ZNF626: variants seen among roughly 807,000 people sequenced by gnomAD.
ZNF626 encodes the protein CTC-513N18.7.
ZNF626 carries 4 observed loss-of-function variants against 11.7 expected under a neutral mutation model. The observed-to-expected ratio is 0.34, with a 90% CI of 0.17 to 0.78. ZNF626 has a LOEUF of 0.78. Ranked by LOEUF, ZNF626 falls within the 30% of genes least tolerant of loss-of-function variation. The pLI is 0.57. For missense variants in ZNF626, 588 were observed against 587.1 expected (o/e 1.00, Z -0.01); for synonymous variants, 179 against 198.6 (o/e 0.90, Z 0.83).
intron 3 of ZNF626, among the ~76,000 whole-genome samples, chr19:20,636,228 T>C (rs1385083587): frequency 1.3e-5 from 2 of 152,198 alleles, no homozygotes; most frequent in Non-Finnish European, 2.9e-5. Flanking sequence ...ATAATATTTA[T>C]ACAGGCAAAG....
intron 3 of ZNF626, 146 bp downstream of exon 3, chr19:20,645,538 C>CAAAA (rs1555771818): frequency 6.4e-7 from 1 of 1,551,828 alleles, no homozygotes; most frequent in East Asian, 2.3e-5. Flanking sequence ...AAAAACCAAA[C>CAAAA]AAACAAACAA....
rs782211530 is a variant in ZNF626 at position 20,624,774 on chromosome 19, G to C, written c.1103C>G (p.Pro368Arg). Reference protein sequence around the residue: ...THKRIHTGEKPYKCEECGKAF... With the variant: ...THKRIHTGEKRYKCEECGKAF... ...TTTGCCACATTCTTCACATTTGTAG[G>C]GTTTCTCTCCAGTATGAATTCTCTT... Residue 368 changes from proline to arginine, a missense_variant, in exon 4 of 4, where the codon CCC becomes CGC. Physicochemically the swap from Pro to Arg is moderately radical, Grantham distance 103. This residue lies in a region of ZNF626 where 524 missense variants were observed against 470.1 expected (regional missense o/e 1.11). Transcript: ENST00000601440. The C allele has an allele frequency of 6.2e-7, 1 of 1,611,990 alleles. No homozygotes were observed. Among genetic ancestry groups the C allele is most frequent in the South Asian group, 1.1e-5 (1 of 90,922 alleles).
rs1970068515 is a variant in ZNF626 at position 20,645,671 on chromosome 19, C to CACGG, written c.226+12_226+13insCCGT. 6.2e-7 allele frequency: 1 copy of CACGG among 1,604,898 alleles called. No homozygotes were observed. The highest frequency in any genetic ancestry group is 1.3e-5 in the African/African-American group (1 of 74,174). On this transcript the variant is annotated intron_variant, in intron 3 of 3. Transcript: ENST00000601440. ...CTGTGTCATCTGTTGTATTCATTTT[C>CACGG]ACTCACACCTACCTGAGGGTTTGGC...
chr19:20,625,529 T>C lies in ZNF626; in HGVS notation c.348A>G (p.Gly116=), dbSNP rs1555769528. The change falls in exon 4 of 4, where the codon GGA becomes GGG. Residue 116 remains glycine, a synonymous_variant. Coordinates refer to ENST00000601440, the MANE Select transcript of ZNF626 (RefSeq NM_001076675.3). ...CCTTACACTCATCCACACTTATACATCCTTTTTTTAACTGTAAATTGTCAT... is the reference window on the plus strand; with the variant it reads ...CCTTACACTCATCCACACTTATACACCCTTTTTTTAACTGTAAATTGTCAT... ...CEHDNLQLKK[G]CISVDECKVH... 1 of 1,613,578 alleles carries C rather than the reference T, an allele frequency of 6.2e-7. No homozygotes were observed. Among genetic ancestry groups the C allele is most frequent in the African/African-American group, 1.3e-5 (1 of 75,020 alleles).
intron 3 of ZNF626, among the ~76,000 whole-genome samples, chr19:20,634,463 G>A (rs375313940): frequency 2.6e-5 from 4 of 152,132 alleles, no homozygotes; most frequent in African/African-American, 9.6e-5. Context: ...CACTTTCTAT[G>A]ACAAAAATGG....
At chr19:20,636,437 A>G (rs10405703) in intron 3 of ZNF626, among the ~76,000 whole-genome samples, 68,069 of 151,630 alleles carry the variant, frequency 0.45, 16,537 homozygotes, top group African/African-American at 0.64. Flanking sequence ...CCAAAAATAT[A>G]TAACACAAAA....
chr19:20,645,441 G>A, intron 3 of ZNF626: 1 of 1,611,612 alleles, frequency 6.2e-7, no homozygotes, highest in Non-Finnish European at 8.5e-7. Flanking sequence ...GAACTTGAAG[G>A]AAGCTCACTG....
At chr19:20,627,782 T>A (rs1260792891) in intron 3 of ZNF626, among the ~76,000 whole-genome samples, 1 of 152,166 alleles carries the variant, frequency 6.6e-6, no homozygotes, top group Non-Finnish European at 1.5e-5. Flanking sequence ...TATTTTTAAA[T>A]TTTATTATTA....
intron 1 of ZNF626, among the ~76,000 whole-genome samples, chr19:20,654,918 C>T (rs1433863160): frequency 6.6e-6 from 1 of 151,940 alleles, no homozygotes; most frequent in African/African-American, 2.4e-5. Context: ...CAAGTTCAAG[C>T]TGGCAAACAT....
intron 3 of ZNF626, among the ~76,000 whole-genome samples, chr19:20,628,966 G>T (rs1599473530): frequency 6.6e-6 from 1 of 152,152 alleles, no homozygotes; most frequent in African/African-American, 2.4e-5. Context: ...TGTATAAGGT[G>T]TAAGGAACGG....
intron 3 of ZNF626, among the ~76,000 whole-genome samples, chr19:20,626,520 C>A (rs1359720003): frequency 6.6e-6 from 1 of 152,142 alleles, no homozygotes; most frequent in Non-Finnish European, 1.5e-5. Context: ...GAATTTGAGA[C>A]CAGCCTGGCC....
At chr19:20,644,171 G>A (rs1247607766) in intron 3 of ZNF626, among the ~76,000 whole-genome samples, 2 of 152,124 alleles carry the variant, frequency 1.3e-5, no homozygotes, top group Admixed American at 6.5e-5. Flanking sequence ...CTCAGTTTCC[G>A]TTACACGAGC....
chr19:20,641,271 T>C (rs1309110361), intron 3 of ZNF626, among the ~76,000 whole-genome samples: 1 of 151,958 alleles, frequency 6.6e-6, no homozygotes, highest in Non-Finnish European at 1.5e-5. Flanking sequence ...TCAAAAAATA[T>C]AACATATACA....
chr19:20,634,732 A>G (rs116149574), intron 3 of ZNF626, among the ~76,000 whole-genome samples: 7,304 of 152,260 alleles, frequency 0.048, 193 homozygotes, highest in African/African-American at 0.049. Context: ...CATTTTTCAA[A>G]TTTCTCATTG....
intron 3 of ZNF626, among the ~76,000 whole-genome samples, chr19:20,643,578 T>C (rs1036282252): frequency 3.3e-5 from 5 of 151,948 alleles, no homozygotes; most frequent in Admixed American, 3.3e-4. Flanking sequence ...AAATAGAATA[T>C]AGAAAGAAAA....
intron 1 of ZNF626, among the ~76,000 whole-genome samples, chr19:20,658,453 A>G (rs1970229119): frequency 6.6e-6 from 1 of 152,150 alleles, no homozygotes; most frequent in Non-Finnish European, 1.5e-5. Context: ...GTGTGTGTTT[A>G]GGAGTGGGTG....
intron 3 of ZNF626, among the ~76,000 whole-genome samples, chr19:20,633,315 C>T (rs1969929154): frequency 6.6e-6 from 1 of 152,206 alleles, no homozygotes; most frequent in Non-Finnish European, 1.5e-5. Flanking sequence ...TCAAAGCTGT[C>T]AGAGAGGGAC....
At chr19:20,642,740 C>G (rs1555771603) in intron 3 of ZNF626, among the ~76,000 whole-genome samples, 1 of 152,062 alleles carries the variant, frequency 6.6e-6, no homozygotes, top group Non-Finnish European at 1.5e-5. Flanking sequence ...TTTGTCAGGC[C>G]AGGCGCGGTG....
At chr19:20,657,795 AAAT>A (rs1555773275) in intron 1 of ZNF626, among the ~76,000 whole-genome samples, 93 of 151,194 alleles carry the variant, frequency 6.2e-4, no homozygotes, top group African/African-American at 2.1e-3. Context: ...ACAAGAACAA[AAAT>A]CCATCTCAAA....
Sources: gnomAD v4.1 joint callset for allele counts (sites outside exome capture counted in the v4.1 genomes callset) on GRCh38, gnomAD v4.1.1 for gene constraint, gnomAD v4.1.1 regional missense constraint, MANE v1.5 for transcripts, NCBI Gene and HGNC (gene_info 2026-07-23, HGNC 2026-07-21) for gene names.